Variants in GOSR1 observed in about 807,000 individuals in gnomAD.
GOSR1 encodes the protein golgi SNAP receptor complex member 1.
In GOSR1, 21 loss-of-function variants were observed where a neutral mutation model predicts 35.5. The observed-to-expected ratio is 0.59, with a 90% CI of 0.42 to 0.85. GOSR1 has a LOEUF of 0.85. Among genes scored for constraint, GOSR1 ranks in the 40% least tolerant of loss-of-function variants. The pLI, the probability that GOSR1 is intolerant of heterozygous loss-of-function variation, is 0.00. For synonymous variants in GOSR1, 94 were observed against 106.6 expected (o/e 0.88, Z 0.73); for missense variants, 285 against 309.6 (o/e 0.92, Z 0.60).
intron 1 of GOSR1, chr17:30,479,604 G>C (rs942543529): frequency 6.6e-6 from 1 of 152,160 alleles, no homozygotes; most frequent in South Asian, 2.1e-4. Context: ...TGCCTTCCAG[G>C]TTCACGCCAT....
chr17:30,477,472 C>T lies in GOSR1; in HGVS notation c.31+8C>T. The T allele has an allele frequency of 6.2e-6, 10 of 1,606,674 alleles. No homozygotes were observed. The highest frequency in any genetic ancestry group is 8.5e-6 in the Non-Finnish European group (10 of 1,175,652). ...CCAGCAGTTACTGGGAAGGTGAGGG[C>T]GAGAAGGCCTCCGGGTGCGTCCTAC... On this transcript the variant is annotated splice_region_variant and intron_variant, in intron 1 of 8. Transcript: ENST00000451249.
intron 6 of GOSR1, among the ~76,000 whole-genome samples, chr17:30,508,482 C>T (rs1967487446): frequency 6.6e-6 from 1 of 152,196 alleles, no homozygotes; most frequent in African/African-American, 2.4e-5. Flanking sequence ...CTTGTGGCCA[C>T]TTCACCAGAT....
At chr17:30,504,838 TC>T (rs1967343344) in intron 6 of GOSR1, among the ~76,000 whole-genome samples, 1 of 152,240 alleles carries the variant, frequency 6.6e-6, no homozygotes, top group Non-Finnish European at 1.5e-5. Context: ...GAGTTTATTT[TC>T]CAACTAAAGT....
At chr17:30,503,302 T>G (rs968265434) in intron 6 of GOSR1, among the ~76,000 whole-genome samples, 2 of 152,224 alleles carry the variant, frequency 1.3e-5, no homozygotes, top group Non-Finnish European at 2.9e-5. Flanking sequence ...AAGAGAATTA[T>G]TTAAATATGG....
chr17:30,513,542 T>C (rs1207194885), intron 7 of GOSR1, among the ~76,000 whole-genome samples: 1 of 152,178 alleles, frequency 6.6e-6, no homozygotes, highest in Non-Finnish European at 1.5e-5. Context: ...TAACATAATG[T>C]ATGATGATGA....
At chr17:30,478,318 T>C (rs1276297041) in intron 1 of GOSR1, among the ~76,000 whole-genome samples, 1 of 152,192 alleles carries the variant, frequency 6.6e-6, no homozygotes, top group African/African-American at 2.4e-5. Flanking sequence ...CCAAATTCCT[T>C]TGACCTGTTT....
At chr17:30,484,882 C>G (rs1332279399) in intron 4 of GOSR1, 112 bp downstream of exon 4, 2 of 721,314 alleles carry the variant, frequency 2.8e-6, no homozygotes, top group Middle Eastern at 2.3e-4. Context: ...AGAGAAAAAT[C>G]TGAGAAAATA....
intron 5 of GOSR1, 29 bp from the exon 6 acceptor site, chr17:30,492,650 A>G (rs1344181111): frequency 1.5e-6 from 2 of 1,332,706 alleles, no homozygotes; most frequent in South Asian, 2.4e-5. Flanking sequence ...TCTGCCAAAA[A>G]TGTTTTTAAA....
chr17:30,497,415 G>A (rs1967041659), intron 6 of GOSR1, among the ~76,000 whole-genome samples: 1 of 152,138 alleles, frequency 6.6e-6, no homozygotes, highest in South Asian at 2.1e-4. Context: ...AGAGTCCTGG[G>A]TTCAAATCCT....
chr17:30,507,390 G>A (rs1386053898), intron 6 of GOSR1, among the ~76,000 whole-genome samples: 1 of 152,176 alleles, frequency 6.6e-6, no homozygotes, highest in East Asian at 1.9e-4. Context: ...AACTGCGGAT[G>A]TGGCAGAACT....
At chr17:30,493,134 A>G (rs1416345687) in intron 6 of GOSR1, among the ~76,000 whole-genome samples, 2 of 152,070 alleles carry the variant, frequency 1.3e-5, no homozygotes, top group Non-Finnish European at 2.9e-5. Context: ...AGCTGGGACT[A>G]CAGGCGTGTG....
At chr17:30,515,591 A>G (rs1967776776) in intron 7 of GOSR1, among the ~76,000 whole-genome samples, 1 of 152,136 alleles carries the variant, frequency 6.6e-6, no homozygotes. Context: ...ATTTCTACAA[A>G]TCTCCATTTT....
At chr17:30,488,029 C>T (rs1450460294) in intron 4 of GOSR1, among the ~76,000 whole-genome samples, 2 of 151,892 alleles carry the variant, frequency 1.3e-5, no homozygotes, top group African/African-American at 4.8e-5. Context: ...CCACCTCGGC[C>T]TCCCAAAGTG....
In GOSR1 at chr17:30,522,327, G is replaced by C. The variant is rs1968067747; in HGVS notation, c.696G>C (p.Gly232=). ...AGCGGCGGGACTCGCTCATCCTAGG[G>C]GGTGTTATTGGGATCTGTACCATCC... The part of the protein sequence containing the change: ...LRKRRDSLIL[G]GVIGICTILL... The change falls in exon 9 of 9, where the codon GGG becomes GGC. Residue 232 remains glycine, a synonymous_variant. Coordinates refer to ENST00000451249, the MANE Select transcript of GOSR1 (RefSeq NM_001007025.2). The C allele has an allele frequency of 6.2e-7, 1 of 1,609,994 alleles. No homozygotes were observed. Among genetic ancestry groups the C allele is most frequent in the Admixed American group, 1.7e-5 (1 of 59,762 alleles).
intron 1 of GOSR1, 164 bp from the exon 2 acceptor site, chr17:30,480,979 T>C: frequency 2.0e-6 from 1 of 498,186 alleles, no homozygotes; most frequent in Non-Finnish European, 3.7e-6. Context: ...CCCAAAGTGG[T>C]GGGATTACAG....
In GOSR1 at chr17:30,525,399, T is replaced by TA. The variant is rs988203826; in HGVS notation, c.*3025dup. Reference sequence around the variant, plus strand: ...ACTGTTAATTGATTCAGGGTACCCTTAAAAGAAAAGAAGTTTTCCCATTGT... The same window carrying TA: ...ACTGTTAATTGATTCAGGGTACCCTTAAAAAGAAAAGAAGTTTTCCCATTGT... On this transcript the variant is annotated 3_prime_UTR_variant, in exon 9 of 9. Coordinates refer to ENST00000451249, the MANE Select transcript of GOSR1 (RefSeq NM_001007025.2). The TA allele has an allele frequency of 9.2e-5, 14 of 152,218 alleles. No homozygotes were observed. The highest frequency in any genetic ancestry group is 6.5e-5 in the Admixed American group (1 of 15,278). 9.4% of individuals were successfully genotyped at this position (152,218 alleles called of 1,614,324 possible).
rs1013691968 is a variant in GOSR1 at position 30,522,175 on chromosome 17, A to C, written c.623-79A>C. ...TCATCACTGTTTCTAGACACCACTG[A>C]TCTCTATTTTTGTGATTCCTACGAC... On this transcript the variant is annotated intron_variant, in intron 8 of 8. Coordinates refer to ENST00000451249, the MANE Select transcript of GOSR1 (RefSeq NM_001007025.2). 12 of 1,131,324 alleles carry C rather than the reference A, an allele frequency of 1.1e-5. No individual in the cohort carries two copies. In the African/African-American group the frequency reaches 1.7e-4, roughly 16 times the overall value. The allele number at this position is 1,131,324 out of a possible 1,614,324, so 70.1% of individuals were successfully genotyped here.
chr17:30,494,192 A>ACAC (rs1966905362), intron 6 of GOSR1, among the ~76,000 whole-genome samples: 2 of 150,414 alleles, frequency 1.3e-5, no homozygotes, highest in Admixed American at 6.6e-5. Context: ...GCCATACTTA[A>ACAC]ACACACACAC....
intron 2 of GOSR1, 176 bp downstream of exon 2, chr17:30,481,433 AG>A (rs1914342125): frequency 4.6e-6 from 2 of 435,792 alleles, no homozygotes; most frequent in Non-Finnish European, 8.4e-6. Context: ...TGAATTCTCG[AG>A]ACTAGCATTT....
Sources: gnomAD v4.1 joint callset for allele counts (sites outside exome capture counted in the v4.1 genomes callset) on GRCh38, gnomAD v4.1.1 for gene constraint, MANE v1.5 for transcripts, NCBI Gene and HGNC (gene_info 2026-07-23, HGNC 2026-07-21) for gene names.